The following CTNNA3 variants were observed in gnomAD, a reference collection of about 807,000 sequenced individuals.
CTNNA3 encodes the protein catenin alpha 3.
Under a neutral mutation model 95.7 loss-of-function variants are expected in CTNNA3, and 76 were observed. The observed-to-expected ratio is 0.79, with a 90% CI of 0.66 to 0.96. The LOEUF is 0.96. Among genes scored for constraint, CTNNA3 ranks in the 40% least tolerant of loss-of-function variants. CTNNA3 has a pLI of 0.00. For synonymous variants in CTNNA3, 431 were observed against 374.4 expected (o/e 1.15, Z -1.74); for missense variants, 1,191 against 1,089.8 (o/e 1.09, Z -1.31).
intron 5 of CTNNA3, among the ~76,000 whole-genome samples, chr10:67,513,227 T>A (rs948939013): frequency 6.6e-6 from 1 of 152,218 alleles, no homozygotes; most frequent in Non-Finnish European, 1.5e-5. Context: ...ACTCCTTTCA[T>A]CCTGGTAGAA....
intron 3 of CTNNA3, among the ~76,000 whole-genome samples, chr10:67,561,967 C>A (rs1033674694): frequency 6.6e-6 from 1 of 152,090 alleles, no homozygotes; most frequent in African/African-American, 2.4e-5. Flanking sequence ...AATAGACCAA[C>A]AACAGGATCT....
intron 5 of CTNNA3, among the ~76,000 whole-genome samples, chr10:67,258,086 C>A (rs1176276523): frequency 6.6e-6 from 1 of 152,156 alleles, no homozygotes; most frequent in African/African-American, 2.4e-5. Context: ...TCTACATATG[C>A]AATCCCTCTT....
intron 1 of CTNNA3, among the ~76,000 whole-genome samples, chr10:67,759,420 C>T (rs562801598): frequency 6.6e-6 from 1 of 152,272 alleles, no homozygotes; most frequent in South Asian, 2.1e-4. Context: ...GCACACAAGG[C>T]AGCTAAGTTA....
At position 66,446,259 on chromosome 10, in the gene CTNNA3, G is replaced by T. The variant is rs1488893799; in HGVS notation, c.1532-66907C>A. On this transcript the variant is annotated intron_variant, in intron 11 of 17. Transcript: ENST00000433211. ...CTACCAAAGATACAAAGAGGAGCTG[G>T]TACCATTCCTTCTGAAACTATTCCA... Among the ~76,000 whole-genome samples the T allele has an allele frequency of 9.2e-5, 14 of 152,304 alleles. No homozygotes were observed. The South Asian group carries it at 2.9e-3, about 32-fold the overall frequency.
intron 7 of CTNNA3, among the ~76,000 whole-genome samples, chr10:66,892,962 T>C (rs540912539): frequency 6.6e-6 from 1 of 152,262 alleles, no homozygotes; most frequent in African/African-American, 2.4e-5. Context: ...AGCATAATTA[T>C]ATGGCTCTCA....
At chr10:67,203,308 G>T (rs1189360365) in intron 6 of CTNNA3, among the ~76,000 whole-genome samples, 4 of 152,122 alleles carry the variant, frequency 2.6e-5, no homozygotes, top group African/African-American at 7.2e-5. Flanking sequence ...CCGTGAACAC[G>T]CTCTCTTGCC....
chr10:66,433,819 A>G (rs535811878), intron 11 of CTNNA3, among the ~76,000 whole-genome samples: 3 of 152,252 alleles, frequency 2.0e-5, no homozygotes, highest in East Asian at 3.9e-4. Flanking sequence ...TAATGTTTGT[A>G]TTAGGTGTAA....
Position 66,094,077 on chromosome 10 carries a change from A to G in CTNNA3, c.1977+9080T>C, listed in dbSNP as rs1259715248. Among the ~76,000 whole-genome samples, 3 of 152,120 alleles carry G rather than the reference A, an allele frequency of 2.0e-5. No homozygotes were observed. The East Asian group carries it at 5.8e-4, about 29-fold the overall frequency. On this transcript the variant is annotated intron_variant, in intron 14 of 17. Transcript: ENST00000433211. ...GAGAATCCACATGTAATGGAAGATTATTGGAGGGAAACTATCTCAGACTTG... is the reference window on the plus strand; with the variant it reads ...GAGAATCCACATGTAATGGAAGATTGTTGGAGGGAAACTATCTCAGACTTG...
chr10:66,873,931 T>C (rs1389148601), intron 7 of CTNNA3, among the ~76,000 whole-genome samples: 1 of 152,164 alleles, frequency 6.6e-6, no homozygotes, highest in Non-Finnish European at 1.5e-5. Flanking sequence ...TTAGTCTGGA[T>C]TCTCCAAGAA....
At chr10:67,598,366 TC>T (rs1266558048) in intron 3 of CTNNA3, among the ~76,000 whole-genome samples, 1 of 152,004 alleles carries the variant, frequency 6.6e-6, no homozygotes, top group Non-Finnish European at 1.5e-5. Context: ...ACTCATCCCT[TC>T]CCTGGGAGCC....
At chr10:65,999,991 T>G (rs977681652) in intron 15 of CTNNA3, among the ~76,000 whole-genome samples, 1 of 151,372 alleles carries the variant, frequency 6.6e-6, no homozygotes, top group African/African-American at 2.4e-5. Context: ...AGGTAGTGCA[T>G]AAGTTAATTA....
chr10:67,345,081 T>C (rs2132626074), intron 5 of CTNNA3, among the ~76,000 whole-genome samples: 1 of 152,238 alleles, frequency 6.6e-6, no homozygotes. Context: ...TCAATTTCCT[T>C]CTTAATTTCT....
At chr10:67,233,774 T>C (rs1259129281) in intron 5 of CTNNA3, among the ~76,000 whole-genome samples, 1 of 148,362 alleles carries the variant, frequency 6.7e-6, no homozygotes, top group Non-Finnish European at 1.5e-5. Context: ...GCAAGACTAA[T>C]AAAGAAAAAA....
At chr10:66,790,385 G>A (rs961080794) in intron 7 of CTNNA3, among the ~76,000 whole-genome samples, 3 of 152,046 alleles carry the variant, frequency 2.0e-5, no homozygotes, top group African/African-American at 7.3e-5. Flanking sequence ...AGGTTGCAGT[G>A]AGCCGAGATA....
intron 1 of CTNNA3, among the ~76,000 whole-genome samples, chr10:67,725,651 A>T (rs1043891239): frequency 6.6e-6 from 1 of 151,850 alleles, no homozygotes; most frequent in Non-Finnish European, 1.5e-5. Flanking sequence ...GGAGGGAAAA[A>T]ATAAAGAGAT....
At chr10:66,039,216 C>T (rs1187467574) in intron 15 of CTNNA3, among the ~76,000 whole-genome samples, 1 of 152,080 alleles carries the variant, frequency 6.6e-6, no homozygotes, top group Non-Finnish European at 1.5e-5. Context: ...ACAAGGAGAA[C>T]TACGAAATGC....
chr10:67,117,942 C>T (rs368522963), intron 7 of CTNNA3, among the ~76,000 whole-genome samples: 81 of 152,072 alleles, frequency 5.3e-4, no homozygotes, highest in African/African-American at 1.9e-3. Flanking sequence ...GGGTAAATGA[C>T]TGCTTTTCAT....
At chr10:67,752,097 C>T (rs1841410795) in intron 1 of CTNNA3, among the ~76,000 whole-genome samples, 1 of 152,130 alleles carries the variant, frequency 6.6e-6, no homozygotes, top group South Asian at 2.1e-4. Context: ...AAACCAAATC[C>T]AGCAGCACAT....
chr10:66,039,481 A>C (rs1016093068), intron 15 of CTNNA3, among the ~76,000 whole-genome samples: 2 of 152,192 alleles, frequency 1.3e-5, no homozygotes, highest in Non-Finnish European at 1.5e-5. Flanking sequence ...AAACTATACT[A>C]TGGGGCTACA....
Sources: allele counts gnomAD v4.1 joint callset (sites outside exome capture counted in the v4.1 genomes callset), GRCh38; gene constraint gnomAD v4.1.1; transcripts MANE v1.5; gene names NCBI Gene and HGNC (gene_info 2026-07-23, HGNC 2026-07-21).